The following NOL4 variants were observed in gnomAD, a reference collection of about 807,000 sequenced individuals.
NOL4 encodes the protein nucleolar protein 4.
A neutral mutation model predicts 75.9 loss-of-function variants in NOL4; 17 were observed. The ratio of observed to expected loss-of-function variants is 0.22; its 90% CI spans 0.15 to 0.34. NOL4 has a LOEUF of 0.34. NOL4 is among the 10% of genes least tolerant of loss of function. The pLI, the probability that NOL4 is intolerant of heterozygous loss-of-function variation, is 1.00. For synonymous variants in NOL4, 292 were observed against 289.9 expected (o/e 1.01, Z -0.07); for missense variants, 614 against 793.5 (o/e 0.77, Z 2.72).
intron 6 of NOL4, among the ~76,000 whole-genome samples, chr18:33,981,503 G>A (rs1292050931): frequency 6.6e-6 from 1 of 151,930 alleles, no homozygotes; most frequent in Non-Finnish European, 1.5e-5. Flanking sequence ...TCTCAGAAAC[G>A]AGGCAAACAA....
intron 1 of NOL4, among the ~76,000 whole-genome samples, chr18:34,188,559 G>T (rs553093882): frequency 1.3e-5 from 2 of 152,012 alleles, no homozygotes; most frequent in African/African-American, 4.8e-5. Context: ...CCTACAGTTG[G>T]GCAAAATTGT....
chr18:33,860,401 T>C lies in NOL4; in HGVS notation c.1724-7366A>G, dbSNP rs1464939134. ...TTAACCCAAAAGTCCAAGTCCTAAG[T>C]CTCATCTGAGACAAGGCAATGCCCT... On this transcript the variant is annotated intron_variant, in intron 10 of 10. Coordinates refer to ENST00000261592, the MANE Select transcript of NOL4 (RefSeq NM_003787.5). Among the ~76,000 whole-genome samples the C allele has an allele frequency of 2.0e-5, 3 of 152,108 alleles. No homozygotes were observed. The East Asian group carries it at 5.8e-4, about 29-fold the overall frequency.
chr18:33,973,542 A>G (rs1376703810), intron 6 of NOL4, among the ~76,000 whole-genome samples: 1 of 152,212 alleles, frequency 6.6e-6, no homozygotes, highest in Non-Finnish European at 1.5e-5. Flanking sequence ...GATCAAGCAG[A>G]ACAATTAGTA....
At chr18:34,170,303 G>A (rs187925428) in intron 1 of NOL4, among the ~76,000 whole-genome samples, 7 of 151,530 alleles carry the variant, frequency 4.6e-5, no homozygotes, top group African/African-American at 9.7e-5. Flanking sequence ...TCAGCCTCCC[G>A]AGTAGCTGGG....
chr18:33,900,173 T>G (rs1846065649), intron 9 of NOL4, among the ~76,000 whole-genome samples: 3 of 152,272 alleles, frequency 2.0e-5, no homozygotes, highest in Middle Eastern at 3.4e-3. Flanking sequence ...CAGAAAGCTT[T>G]CATTCATCGA....
intron 5 of NOL4, among the ~76,000 whole-genome samples, chr18:34,080,582 G>A (rs1299822543): frequency 6.6e-6 from 1 of 152,162 alleles, no homozygotes; most frequent in Non-Finnish European, 1.5e-5. Flanking sequence ...TCTAAACTTT[G>A]ATACTGTGAA....
intron 1 of NOL4, among the ~76,000 whole-genome samples, chr18:34,141,950 A>T (rs534274313): frequency 6.6e-6 from 1 of 152,304 alleles, no homozygotes; most frequent in Admixed American, 6.5e-5. Flanking sequence ...AAGGGCTAAT[A>T]TCCAGAATCT....
chr18:34,110,238 A>G (rs1265968432), intron 2 of NOL4, among the ~76,000 whole-genome samples: 2 of 151,912 alleles, frequency 1.3e-5, no homozygotes, highest in East Asian at 1.9e-4. Context: ...GGACGCTACA[A>G]AAAAAGTTTA....
At chr18:34,128,072 C>G (rs2080465332) in intron 2 of NOL4, among the ~76,000 whole-genome samples, 1 of 151,832 alleles carries the variant, frequency 6.6e-6, no homozygotes, top group Non-Finnish European at 1.5e-5. Flanking sequence ...CAATTTATTA[C>G]AAGTGTTTAG....
intron 10 of NOL4, among the ~76,000 whole-genome samples, chr18:33,873,988 A>G (rs1382702833): frequency 6.6e-6 from 1 of 151,970 alleles, no homozygotes; most frequent in Non-Finnish European, 1.5e-5. Flanking sequence ...CCCCAGAGAC[A>G]GGTAATAGTA....
At chr18:34,031,303 T>C (rs542553637) in intron 5 of NOL4, among the ~76,000 whole-genome samples, 1 of 152,324 alleles carries the variant, frequency 6.6e-6, no homozygotes, top group South Asian at 2.1e-4. Context: ...GTGTTTCTAA[T>C]TTATCATGGA....
chr18:34,118,298 C>T (rs1316685506), intron 2 of NOL4, among the ~76,000 whole-genome samples: 2 of 152,096 alleles, frequency 1.3e-5, no homozygotes, highest in Non-Finnish European at 2.9e-5. Context: ...TATCAATATC[C>T]TGCAGATCAT....
intron 10 of NOL4, among the ~76,000 whole-genome samples, chr18:33,864,457 C>T (rs2063332249): frequency 1.3e-5 from 2 of 152,246 alleles, no homozygotes; most frequent in South Asian, 4.1e-4. Context: ...ACCTTTGCTC[C>T]AGTTCCCAAG....
chr18:34,062,225 T>C (rs114765067), intron 5 of NOL4, among the ~76,000 whole-genome samples: 1 of 151,880 alleles, frequency 6.6e-6, no homozygotes, highest in Non-Finnish European at 1.5e-5. Context: ...AGTTTTTTTT[T>C]AAAAGATGCC....
chr18:33,998,448 G>T (rs147753600), intron 6 of NOL4, among the ~76,000 whole-genome samples: 1,977 of 152,126 alleles, frequency 0.013, 41 homozygotes, highest in African/African-American at 0.044. Flanking sequence ...AGGAATAACA[G>T]ATGAAGGAGA....
At chr18:34,188,606 C>G (rs2034673132) in intron 1 of NOL4, among the ~76,000 whole-genome samples, 3 of 152,190 alleles carry the variant, frequency 2.0e-5, no homozygotes, top group African/African-American at 7.2e-5. Flanking sequence ...ATGTGAATAC[C>G]TAATGTATTG....
intron 5 of NOL4, among the ~76,000 whole-genome samples, chr18:34,063,160 G>A (rs2077135347): frequency 6.6e-6 from 1 of 152,046 alleles, no homozygotes; most frequent in Admixed American, 6.6e-5. Context: ...GAAGTAAATG[G>A]AGAAGAGAAA....
In NOL4 at chr18:33,928,821, C is replaced by T. The variant is rs1385845096; in HGVS notation, c.1542+14244G>A. 2.6e-5 allele frequency among the ~76,000 whole-genome samples: 4 copies of T among 151,622 alleles called. No individual in the cohort carries two copies. In the East Asian group the frequency reaches 6.2e-4, roughly 23 times the overall value. On this transcript the variant is annotated intron_variant, in intron 9 of 10. Coordinates refer to ENST00000261592, the MANE Select transcript of NOL4 (RefSeq NM_003787.5). ...ACTTACATAAGCTAAAATTATAGTT[C>T]GTTAAACTTGAATTCTTAATTAGCT...
chr18:33,943,186 A>G lies in NOL4; in HGVS notation c.1429-8T>C. ...GGAAGGAATAGGTCGAGACTAAAAA[A>G]AAAAAGAGAAAAGTATGAAAAAAAT... is the stretch of plus-strand genomic sequence containing the variant. On this transcript the variant is annotated splice_polypyrimidine_tract_variant and splice_region_variant and intron_variant, in intron 8 of 10. Transcript: ENST00000261592. 1 of 1,590,908 alleles carries G rather than the reference A, an allele frequency of 6.3e-7. No homozygotes were observed. The highest frequency in any genetic ancestry group is 8.6e-7 in the Non-Finnish European group (1 of 1,165,028).
Sources: allele counts gnomAD v4.1 joint callset (sites outside exome capture counted in the v4.1 genomes callset), GRCh38; gene constraint gnomAD v4.1.1; transcripts MANE v1.5; gene names NCBI Gene and HGNC (gene_info 2026-07-23, HGNC 2026-07-21).